The following ADA2 variants were observed in gnomAD, a reference collection of about 807,000 sequenced individuals.
ADA2 encodes adenosine deaminase CECR1.
In ADA2, 29 loss-of-function variants were observed where a neutral mutation model predicts 44.2. The ratio of observed to expected loss-of-function variants is 0.66; its 90% CI spans 0.49 to 0.89. The LOEUF is 0.89. ADA2 is among the 40% of genes least tolerant of loss of function. The pLI is 0.00. For synonymous variants in ADA2, 215 were observed against 234.9 expected, an observed-to-expected ratio of 0.92 and a Z score of 0.77; for missense variants, 637 against 644.8, an observed-to-expected ratio of 0.99 and a Z score of 0.13.
intron 4 of ADA2, chr22:17,193,000 G>A (rs1036122366): frequency 9.4e-6 from 6 of 636,884 alleles, no homozygotes; most frequent in African/African-American, 5.5e-5. Flanking sequence ...AAAATTAACC[G>A]TAACTGGCGG....
Position 17,209,644 on chromosome 22 carries a change from G to A in ADA2, c.34C>T (p.Leu12=). The change falls in exon 2 of 10, where the codon CTG becomes TTG. Residue 12 remains leucine, a synonymous_variant. Coordinates refer to ENST00000399837, the MANE Select transcript of ADA2 (RefSeq NM_001282225.2). ...GCCACAGCCAACAGCAAGAAGCACA[G>A]GGCTGGCCGCTCAGATGGGCCATCC... ...LVDGPSERPA[L]CFLLLAVAMS... The A allele has an allele frequency of 1.2e-6, 2 of 1,613,676 alleles. No individual in the cohort carries two copies. Among genetic ancestry groups the A allele is most frequent in the Non-Finnish European group, 1.7e-6 (2 of 1,179,932 alleles).
intron 4 of ADA2, among the ~76,000 whole-genome samples, chr22:17,195,284 G>A (rs568420660): frequency 3.3e-5 from 5 of 152,026 alleles, no homozygotes; most frequent in South Asian, 4.1e-4. Context: ...TTTGGGAGGC[G>A]GAGGCAGATC....
chr22:17,220,970 G>A (rs914525249), upstream of ADA2, among the ~76,000 whole-genome samples: 90 of 151,982 alleles, frequency 5.9e-4, no homozygotes, highest in South Asian at 1.3e-3. Flanking sequence ...GAAGGGGTTC[G>A]AGACCAGCCC....
chr22:17,201,546 A>T (rs531904171), intron 4 of ADA2, among the ~76,000 whole-genome samples: 1 of 152,160 alleles, frequency 6.6e-6, no homozygotes, highest in Non-Finnish European at 1.5e-5. Context: ...TGTGGAGAAG[A>T]CTCTACCAAA....
intron 4 of ADA2, chr22:17,199,448 C>CCTCCCCTCCTCTA: frequency 8.9e-7 from 1 of 1,129,586 alleles, no homozygotes; most frequent in Non-Finnish European, 1.3e-6. Flanking sequence ...TCTTCCCCTC[C>CCTCCCCTCCTCTA]ACCCACGAAG....
intron 1 of ADA2, chr22:17,209,982 C>A (rs1454221146): frequency 1.3e-5 from 4 of 318,782 alleles, no homozygotes; most frequent in Non-Finnish European, 2.3e-5. Context: ...GCTCCGCCTC[C>A]TGGGTTCACA....
At chr22:17,199,836 T>A in intron 4 of ADA2, 1 of 1,143,292 alleles carries the variant, frequency 8.7e-7, no homozygotes, top group African/African-American at 2.5e-5. Flanking sequence ...CCTAGTACTT[T>A]GGGAGGCCGA....
intron 4 of ADA2, chr22:17,199,446 T>TCCCTCCCCTCCTCTAACCTCTTCCCCA: frequency 1.1e-6 from 1 of 917,626 alleles, no homozygotes; most frequent in Non-Finnish European, 1.7e-6. Context: ...CCTCTTCCCC[T>TCCCTCCCCTCCTCTAACCTCTTCCCCA]CCACCCACGA....
At chr22:17,199,438 T>TCTTCCCCTCCCACCCCTCCTCTAACCA in intron 4 of ADA2, 2 of 995,468 alleles carry the variant, frequency 2.0e-6, no homozygotes, top group Non-Finnish European at 3.2e-6. Flanking sequence ...TCCTCTATCC[T>TCTTCCCCTCCCACCCCTCCTCTAACCA]CTTCCCCTCC....
intron 6 of ADA2, chr22:17,188,863 C>A (rs866288531): frequency 4.5e-4 from 12 of 26,750 alleles, no homozygotes; most frequent in East Asian, 9.6e-4. Context: ...TGGCCAAGAG[C>A]AAAAAATATA....
chr22:17,180,608 T>C lies in ADA2; in HGVS notation c.*875A>G, dbSNP rs940052151. 6.6e-6 allele frequency: 1 copy of C among 151,016 alleles called. No homozygotes were observed. Among genetic ancestry groups the C allele is most frequent in the African/African-American group, 2.4e-5 (1 of 41,084 alleles). The allele number at this position is 151,016 out of a possible 1,614,324, so 9.4% of individuals were successfully genotyped here. A position where few individuals can be genotyped will look rare whatever the true frequency, so the allele number is the denominator to read the frequency against. ...GAGTTGGAGACCAGCCTGGGCAACA[T>C]AGCAAGACACTCTTTAGAAAAATTA... On this transcript the variant is annotated 3_prime_UTR_variant, in exon 10 of 10. Transcript: ENST00000399837.
At position 17,186,685 on chromosome 22, in the gene ADA2, A is replaced by G. The variant is rs5748933; in HGVS notation, c.1081+1654T>C. 3.5e-4 allele frequency among the ~76,000 whole-genome samples: 54 copies of G among 152,132 alleles called. 1 individual carries two copies. In the East Asian group the frequency reaches 7.2e-3, roughly 20 times the overall value. Reference sequence around the variant, plus strand: ...GGAGTTCAAGACCAGCCTAACCAACATGGTGAAACCCCATCTCTACTAAAA... The same window carrying G: ...GGAGTTCAAGACCAGCCTAACCAACGTGGTGAAACCCCATCTCTACTAAAA... On this transcript the variant is annotated intron_variant, in intron 7 of 9. Transcript: ENST00000399837.
At chr22:17,181,735 G>T in intron 9 of ADA2, 85 bp downstream of exon 9, 1 of 1,230,630 alleles carries the variant, frequency 8.1e-7, no homozygotes, top group Admixed American at 1.7e-5. Context: ...AACCATCGAG[G>T]CATCTGCCTC....
Position 17,181,845 on chromosome 22 carries a change from T to C in ADA2, c.1417A>G (p.Lys473Glu). Residue 473 changes from lysine (K) to glutamate (E), a missense_variant, in exon 9 of 10, where the codon AAA becomes GAA. By Grantham distance (56) the Lys-to-Glu change is moderately conservative. Coordinates refer to ENST00000399837, the MANE Select transcript of ADA2 (RefSeq NM_001282225.2). ...GGMKADLRTL[K>E]QLAMNSIKYS... is the part of the protein sequence containing the mutation. Reference sequence around the variant, plus strand: ...TTGATAGAGTTCATGGCCAGCTGTTTGAGGGTCCTCAGGTCAGCCTTCATC... The same window carrying C: ...TTGATAGAGTTCATGGCCAGCTGTTCGAGGGTCCTCAGGTCAGCCTTCATC... The C allele has an allele frequency of 6.2e-7, 1 of 1,613,872 alleles. No individual in the cohort carries two copies. Among genetic ancestry groups the C allele is most frequent in the East Asian group, 2.2e-5 (1 of 44,882 alleles).
At chr22:17,182,841 GC>G (rs969373888) in intron 7 of ADA2, 80 bp from the exon 8 acceptor site, 14 of 1,442,010 alleles carry the variant, frequency 9.7e-6, no homozygotes, top group Middle Eastern at 2.5e-4. Context: ...TGACCCACCC[GC>G]CCCCCGACCA....
chr22:17,216,461 T>A (rs1184792248), intron 1 of ADA2, among the ~76,000 whole-genome samples: 1 of 151,856 alleles, frequency 6.6e-6, no homozygotes, highest in Non-Finnish European at 1.5e-5. Flanking sequence ...AGCAATAATA[T>A]TATGTATATT....
chr22:17,220,088 C>A (rs772833871), upstream of ADA2, among the ~76,000 whole-genome samples: 1 of 152,090 alleles, frequency 6.6e-6, no homozygotes, highest in Non-Finnish European at 1.5e-5. Context: ...AAGAGGCACT[C>A]CAAAATCTGT....
At position 17,189,994 on chromosome 22, in the gene ADA2, A is replaced by G. The variant is rs2123644276; in HGVS notation, c.920T>C (p.Met307Thr). The change falls in exon 6 of 10, where the codon ATG (methionine) becomes ACG (threonine). Residue 307 changes from methionine (M) to threonine (T), a missense_variant. Met to Thr is a moderately conservative substitution (Grantham distance 81, BLOSUM62 -1). Coordinates refer to ENST00000399837, the MANE Select transcript of ADA2 (RefSeq NM_001282225.2). ...DVAVIAESIR[M>T]AMGLRIKFPT... ...GAACTTGATTCGGAGCCCCATGGCC[A>G]TTCGGATGGATTCTGCGATGACAGC... 1 of 1,614,008 alleles carries G rather than the reference A, an allele frequency of 6.2e-7. No homozygotes were observed. The highest frequency in any genetic ancestry group is 8.5e-7 in the Non-Finnish European group (1 of 1,179,912).
chr22:17,216,377 GA>G (rs1209062000), intron 1 of ADA2, among the ~76,000 whole-genome samples: 3,954 of 142,960 alleles, frequency 0.028, 192 homozygotes, highest in African/African-American at 0.094. Context: ...CCACTCCCAG[GA>G]AAAAAAAAAA....
Sources: gnomAD v4.1 joint callset for allele counts (sites outside exome capture counted in the v4.1 genomes callset) on GRCh38, gnomAD v4.1.1 for gene constraint, MANE v1.5 for transcripts, NCBI Gene and HGNC (gene_info 2026-07-23, HGNC 2026-07-21) for gene names.